TRADD: variants seen among roughly 807,000 people sequenced by gnomAD.
TRADD encodes the protein tumor necrosis factor receptor type 1-associated DEATH domain protein.
A neutral mutation model predicts 31.5 loss-of-function variants in TRADD; 14 were observed. The ratio of observed to expected loss-of-function variants is 0.44; its 90% confidence interval spans 0.29 to 0.69. The LOEUF (loss-of-function observed/expected upper bound fraction) is 0.69. TRADD is among the 30% of genes least tolerant of loss of function. TRADD has a pLI of 0.11. For synonymous variants in TRADD, 220 were observed against 215.8 expected (o/e 1.02, Z -0.17); for missense variants, 388 against 435.7 (o/e 0.89, Z 0.97).
At position 67,154,197 on chromosome 16, in the gene TRADD, A is replaced by G. The variant is rs1174928131; in HGVS notation, c.*452T>C. 1 of 211,412 alleles carries G rather than the reference A, an allele frequency of 4.7e-6. No individual in the cohort carries two copies. Among genetic ancestry groups the G allele is most frequent in the Non-Finnish European group, 9.7e-6 (1 of 103,388 alleles). The allele number at this position is 211,412 out of a possible 1,614,324, so 13.1% of individuals were successfully genotyped here. A position where few individuals can be genotyped will look rare whatever the true frequency, so the allele number is the denominator to read the frequency against. On this transcript the variant is annotated 3_prime_UTR_variant, in exon 5 of 5. Coordinates refer to ENST00000345057, the MANE Select transcript of TRADD (RefSeq NM_003789.4). The surrounding 1 kb of genome is among the most constrained non-coding windows in gnomAD (Gnocchi z 5.2). ...ACTACTACTTGTATTTCTCACATCA[A>G]AATCCGTGTTATACTTTATTATCAT...
rs532549134 is a variant in TRADD, at chr16:67,159,054, C to G, written c.-9+784G>C. Reference sequence around the variant, plus strand: ...AGTACTAGAAGATGGGGAAGGTGAACCAGGCTGGAGGTCGAGTTAACAGGG... The same window carrying G: ...AGTACTAGAAGATGGGGAAGGTGAAGCAGGCTGGAGGTCGAGTTAACAGGG... On this transcript the variant is annotated intron_variant, in intron 1 of 4. Coordinates refer to ENST00000345057, the MANE Select transcript of TRADD (RefSeq NM_003789.4). The surrounding 1 kb of genome is among the most constrained non-coding windows in gnomAD (Gnocchi z 6.8). Among the ~76,000 whole-genome samples the G allele has an allele frequency of 2.6e-5, 4 of 152,324 alleles. No individual in the cohort carries two copies. Among genetic ancestry groups the G allele is most frequent in the Non-Finnish European group, 5.9e-5 (4 of 68,034 alleles).
Position 67,159,654 on chromosome 16 carries a change from G to A in TRADD, c.-9+184C>T, listed in dbSNP as rs2030831388. Among the ~76,000 whole-genome samples, 1 of 152,196 alleles carries A rather than the reference G, an allele frequency of 6.6e-6. No individual in the cohort carries two copies. The highest frequency in any genetic ancestry group is 1.5e-5 in the Non-Finnish European group (1 of 68,032). ...AAGTGCTGGCAGGGACGAGGAGCCTGCGGGGGCCAAATTCCGTACCGTCCC... is the reference window on the plus strand; with the variant it reads ...AAGTGCTGGCAGGGACGAGGAGCCTACGGGGGCCAAATTCCGTACCGTCCC... On this transcript the variant is annotated intron_variant, in intron 1 of 4. Coordinates refer to ENST00000345057, the MANE Select transcript of TRADD (RefSeq NM_003789.4). The surrounding 1 kb of genome is among the most constrained non-coding windows in gnomAD (Gnocchi z 6.8).
At chr16:67,158,942 T>C (rs914254719) in intron 1 of TRADD, among the ~76,000 whole-genome samples, 38 of 152,182 alleles carry the variant, frequency 2.5e-4, no homozygotes, top group African/African-American at 9.2e-4. Context: ...AACAGGACCA[T>C]TGTCTGCCCA....
At chr16:67,158,257 C>A (rs569877374) in intron 1 of TRADD, among the ~76,000 whole-genome samples, 3 of 152,224 alleles carry the variant, frequency 2.0e-5, no homozygotes, top group African/African-American at 4.8e-5. Context: ...CCTTGACCTT[C>A]CCAGCTCAAG....
chr16:67,157,265 G>T (rs2030732085), intron 1 of TRADD, among the ~76,000 whole-genome samples: 1 of 152,180 alleles, frequency 6.6e-6, no homozygotes, highest in Non-Finnish European at 1.5e-5. Context: ...CCATGTGCCT[G>T]TGTCCCACTC....
chr16:67,154,496 C>T lies in TRADD; in HGVS notation c.*153G>A. On this transcript the variant is annotated 3_prime_UTR_variant, in exon 5 of 5. Transcript: ENST00000345057. This position sits in a 1 kb window ranked among gnomAD's most constrained non-coding sequence, Gnocchi z 5.2. ...CAATGATGCACCCCCAGTGGTCTGGCTCCTGGGGAAGGCAATCAACTCTGC... is the reference window on the plus strand; with the variant it reads ...CAATGATGCACCCCCAGTGGTCTGGTTCCTGGGGAAGGCAATCAACTCTGC... 1.1e-6 allele frequency: 1 copy of T among 927,884 alleles called. No homozygotes were observed. Among genetic ancestry groups the T allele is most frequent in the Non-Finnish European group, 1.6e-6 (1 of 608,848 alleles). The allele number at this position is 927,884 out of a possible 1,614,324, so 57.5% of individuals were successfully genotyped here.
In TRADD at chr16:67,159,202, C is replaced by A. The variant is rs949564656; in HGVS notation, c.-9+636G>T. Reference sequence around the variant, plus strand: ...CCACCAGGAGTCGTCCCTTTTTGGGCGGGGCTGAGGCTTCCAGGCTGGGTC... The same window carrying A: ...CCACCAGGAGTCGTCCCTTTTTGGGAGGGGCTGAGGCTTCCAGGCTGGGTC... On this transcript the variant is annotated intron_variant, in intron 1 of 4. Transcript: ENST00000345057. This position sits in a 1 kb window ranked among gnomAD's most constrained non-coding sequence, Gnocchi z 6.8. Among the ~76,000 whole-genome samples the A allele has an allele frequency of 6.6e-6, 1 of 152,240 alleles. No individual in the cohort carries two copies. Among genetic ancestry groups the A allele is most frequent in the Non-Finnish European group, 1.5e-5 (1 of 68,038 alleles).
rs746721069 is a variant in TRADD, at chr16:67,156,607, A to G, written c.54T>C (p.Phe18=). Residue 18 remains phenylalanine, a synonymous_variant, in exon 2 of 5, where the codon TTT becomes TTC. Coordinates refer to ENST00000345057, the MANE Select transcript of TRADD (RefSeq NM_003789.4). The surrounding 1 kb of genome is among the most constrained non-coding windows in gnomAD (Gnocchi z 4.6). Reference sequence around the variant, plus strand: ...CCACCTTGTCCAGCGAGGACTCCACAAACAGGTATGCGCTGCCCACCCACT... The same window carrying G: ...CCACCTTGTCCAGCGAGGACTCCACGAACAGGTATGCGCTGCCCACCCACT... ...HEEWVGSAYL[F]VESSLDKVVL... is the part of the protein sequence containing the mutation. 3.7e-6 allele frequency: 6 copies of G among 1,614,006 alleles called. No individual in the cohort carries two copies. Among genetic ancestry groups the G allele is most frequent in the South Asian group, 3.3e-5 (3 of 91,072 alleles).
chr16:67,154,385 C>G lies in TRADD; in HGVS notation c.*264G>C. On this transcript the variant is annotated 3_prime_UTR_variant, in exon 5 of 5. Transcript: ENST00000345057. The surrounding 1 kb of genome is among the most constrained non-coding windows in gnomAD (Gnocchi z 5.2). ...CTGTAAGGGCTGGCTGTAAGCCCCG[C>G]TTCTGGGATGGGAGAAGGTGAGGCT... 1 of 576,378 alleles carries G rather than the reference C, an allele frequency of 1.7e-6. No individual in the cohort carries two copies. Among genetic ancestry groups the G allele is most frequent in the Non-Finnish European group, 3.1e-6 (1 of 322,056 alleles). 35.7% of individuals were successfully genotyped at this position (576,378 alleles called of 1,614,324 possible). A position where few individuals can be genotyped will look rare whatever the true frequency, so the allele number is the denominator to read the frequency against.
chr16:67,156,003 G>A lies in TRADD; in HGVS notation c.152-349C>T. 1 of 1,395,838 alleles carries A rather than the reference G, an allele frequency of 7.2e-7. No homozygotes were observed. Among genetic ancestry groups the A allele is most frequent in the Non-Finnish European group, 9.4e-7 (1 of 1,058,658 alleles). 86.5% of individuals were successfully genotyped at this position (1,395,838 alleles called of 1,614,324 possible). On this transcript the variant is annotated intron_variant, in intron 2 of 4. Coordinates refer to ENST00000345057, the MANE Select transcript of TRADD (RefSeq NM_003789.4). The surrounding 1 kb of genome is among the most constrained non-coding windows in gnomAD (Gnocchi z 4.6). ...GTCTGGGTAGGCGGCCAGCAGGGCA[G>A]AGGAGGGCGAGAGGTCTCAGGTCTT...
In TRADD at chr16:67,154,747, T is replaced by G; in HGVS notation, c.841A>C (p.Thr281Pro). ...AGTGCCTCCACCAGGCGCTGCAGCG[T>G]GGCGCGGCGGCCCTCGGCCTGCACG... ...RFVQAEGRRATLQRLVEALEE... is the reference protein window; with the variant it reads ...RFVQAEGRRAPLQRLVEALEE... The change falls in exon 5 of 5, where the codon ACG becomes CCG. Residue 281 changes from threonine to proline, a missense_variant. By Grantham distance (38) the Thr-to-Pro change is conservative (BLOSUM62 -1). Coordinates refer to ENST00000345057, the MANE Select transcript of TRADD (RefSeq NM_003789.4). The surrounding 1 kb of genome is among the most constrained non-coding windows in gnomAD (Gnocchi z 5.2). The G allele has an allele frequency of 6.2e-7, 1 of 1,609,800 alleles. No homozygotes were observed. The highest frequency in any genetic ancestry group is 8.5e-7 in the Non-Finnish European group (1 of 1,178,566).
chr16:67,154,442 CTCTA>C lies in TRADD; in HGVS notation c.*203_*206del. The stretch of plus-strand genomic sequence containing the variant: ...CAAAGCAGGTCCCCCCCACCCCACA[CTCTA>C]TCAAAGTACCTGAGGCAGAATCCCC... On this transcript the variant is annotated 3_prime_UTR_variant, in exon 5 of 5. Coordinates refer to ENST00000345057, the MANE Select transcript of TRADD (RefSeq NM_003789.4). This position sits in a 1 kb window ranked among gnomAD's most constrained non-coding sequence, Gnocchi z 5.2. 1.5e-6 allele frequency: 1 copy of C among 650,980 alleles called. No individual in the cohort carries two copies. Among genetic ancestry groups the C allele is most frequent in the Non-Finnish European group, 2.6e-6 (1 of 377,662 alleles). 40.3% of individuals were successfully genotyped at this position (650,980 alleles called of 1,614,324 possible). A position where few individuals can be genotyped will look rare whatever the true frequency, so the allele number is the denominator to read the frequency against.
At position 67,154,846 on chromosome 16, in the gene TRADD, C is replaced by T; in HGVS notation, c.742G>A (p.Ala248Thr). The change falls in exon 5 of 5, where the codon GCG becomes ACG. Residue 248 changes from alanine (A) to threonine (T), a missense_variant. Ala to Thr is a moderately conservative substitution (Grantham distance 58). Transcript: ENST00000345057. This position sits in a 1 kb window ranked among gnomAD's most constrained non-coding sequence, Gnocchi z 5.2. ...QRGCRALRDPALDSLAYEYER... is the reference protein window; with the variant it reads ...QRGCRALRDPTLDSLAYEYER... Reference sequence around the variant, plus strand: ...TACTCGTAGGCCAGCGAGTCCAGCGCCGGGTCCCGCAGCGCCCGGCAGCCT... The same window carrying T: ...TACTCGTAGGCCAGCGAGTCCAGCGTCGGGTCCCGCAGCGCCCGGCAGCCT... 1 of 1,592,484 alleles carries T rather than the reference C, an allele frequency of 6.3e-7. No homozygotes were observed. Among genetic ancestry groups the T allele is most frequent in the Non-Finnish European group, 8.5e-7 (1 of 1,170,672 alleles).
chr16:67,155,070 AC>A (rs932532045), intron 4 of TRADD, 25 bp downstream of exon 4: 10 of 1,291,366 alleles, frequency 7.7e-6, no homozygotes, highest in Non-Finnish European at 9.1e-6. Context: ...CCTCCTGGTG[AC>A]CCCGCCTCTC....
At position 67,155,485 on chromosome 16, in the gene TRADD, G is replaced by A. The variant is rs558459661; in HGVS notation, c.321C>T (p.Leu107=). The change falls in exon 3 of 5, where the codon CTC becomes CTT. Residue 107 remains leucine (L), a synonymous_variant. Coordinates refer to ENST00000345057, the MANE Select transcript of TRADD (RefSeq NM_003789.4). ...GTTGCAGCGGCACCGAGTGCTGGGC[G>A]AGCGCGGCCGCCAGGCTCCTCTGCA... is the stretch of plus-strand genomic sequence containing the variant. ...AALQRSLAAA[L]AQHSVPLQLE... 4 of 1,565,622 alleles carry A rather than the reference G, an allele frequency of 2.6e-6. No homozygotes were observed. In the African/African-American group the frequency reaches 4.0e-5, roughly 16 times the overall value.
chr16:67,156,896 A>C lies in TRADD; in HGVS notation c.-8-228T>G, dbSNP rs912128451. 2.0e-5 allele frequency among the ~76,000 whole-genome samples: 3 copies of C among 152,176 alleles called. No homozygotes were observed. The highest frequency in any genetic ancestry group is 4.4e-5 in the Non-Finnish European group (3 of 68,026). On this transcript the variant is annotated intron_variant, in intron 1 of 4. Transcript: ENST00000345057. This position sits in a 1 kb window ranked among gnomAD's most constrained non-coding sequence, Gnocchi z 4.6. The stretch of plus-strand genomic sequence containing the variant: ...AGAGTCCCACCCGCCCCAGGCTTGC[A>C]GTGAGGACTGTCCCTCCACTGCCTT...
At position 67,154,822 on chromosome 16, in the gene TRADD, A is replaced by T; in HGVS notation, c.766T>A (p.Tyr256Asn). 6.3e-7 allele frequency: 1 copy of T among 1,592,664 alleles called. No homozygotes were observed. Among genetic ancestry groups the T allele is most frequent in the Non-Finnish European group, 8.5e-7 (1 of 1,170,784 alleles). The change falls in exon 5 of 5, where the codon TAC (tyrosine) becomes AAC (asparagine). Residue 256 changes from tyrosine to asparagine, a missense_variant. Transcript: ENST00000345057. The surrounding 1 kb of genome is among the most constrained non-coding windows in gnomAD (Gnocchi z 5.2). ...TGCTCGTACAGTCCCTCGCGCTCGT[A>T]CTCGTAGGCCAGCGAGTCCAGCGCC... ...DPALDSLAYE[Y>N]EREGLYEQAF... is the part of the protein sequence containing the mutation.
At position 67,154,429 on chromosome 16, in the gene TRADD, C is replaced by T. The variant is rs1025305369; in HGVS notation, c.*220G>A. 30 of 622,022 alleles carry T rather than the reference C, an allele frequency of 4.8e-5. No individual in the cohort carries two copies. Among genetic ancestry groups the T allele is most frequent in the Non-Finnish European group, 8.1e-5 (29 of 355,986 alleles). The allele number at this position is 622,022 out of a possible 1,614,324, so 38.5% of individuals were successfully genotyped here. ...TGAGGCTGATCTCCAAAGCAGGTCC[C>T]CCCCACCCCACACTCTATCAAAGTA... On this transcript the variant is annotated 3_prime_UTR_variant, in exon 5 of 5. Transcript: ENST00000345057. The surrounding 1 kb of genome is among the most constrained non-coding windows in gnomAD (Gnocchi z 5.2).
Position 67,156,173 on chromosome 16 carries a change from C to T in TRADD, c.151+337G>A. ...AAAGGGGGGCCTGGAAGGGTAGGTA[C>T]TGGGGAGGGGTCTTGAGCAAGGAGT... On this transcript the variant is annotated intron_variant, in intron 2 of 4. Transcript: ENST00000345057. The surrounding 1 kb of genome is among the most constrained non-coding windows in gnomAD (Gnocchi z 4.6). The T allele has an allele frequency of 7.2e-7, 1 of 1,390,782 alleles. No homozygotes were observed. The highest frequency in any genetic ancestry group is 2.2e-5 in the Admixed American group (1 of 46,292). 86.2% of individuals were successfully genotyped at this position (1,390,782 alleles called of 1,614,324 possible). A position where few individuals can be genotyped will look rare whatever the true frequency, so the allele number is the denominator to read the frequency against.
Sources: allele counts gnomAD v4.1 joint callset (sites outside exome capture counted in the v4.1 genomes callset), GRCh38; gene constraint gnomAD v4.1.1; non-coding constraint Gnocchi (gnomAD v3.1); transcripts MANE v1.5; gene names NCBI Gene and HGNC (gene_info 2026-07-23, HGNC 2026-07-21).